The following UBAP2 variants were observed in gnomAD, a reference collection of about 807,000 sequenced individuals.
UBAP2 encodes ubiquitin associated protein 2.
UBAP2 carries 75 observed loss-of-function variants against 139.6 expected under a neutral mutation model. The ratio of observed to expected loss-of-function variants is 0.54; its 90% CI spans 0.45 to 0.65. UBAP2 has a LOEUF of 0.65. Among genes scored for constraint, UBAP2 ranks in the 30% least tolerant of loss-of-function variants. The pLI, the probability that UBAP2 is intolerant of heterozygous loss-of-function variation, is 0.00. For missense variants in UBAP2, 1,368 were observed against 1,369.6 expected, an observed-to-expected ratio of 1.00 and a Z score of 0.02; for synonymous variants, 526 against 526.2, an observed-to-expected ratio of 1.00 and a Z score of 0.01.
intron 18 of UBAP2, 132 bp downstream of exon 18, chr9:33,933,358 G>A (rs1415117376): frequency 9.2e-7 from 1 of 1,092,506 alleles, no homozygotes; most frequent in African/African-American, 1.6e-5. Flanking sequence ...CTAAGCTACA[G>A]TCGTAATGCA....
intron 1 of UBAP2, among the ~76,000 whole-genome samples, chr9:34,024,903 G>C (rs537300128): frequency 1.8e-3 from 276 of 151,902 alleles, no homozygotes; most frequent in African/African-American, 5.4e-3. Flanking sequence ...AGAATCACTT[G>C]AACCCGAGAG....
intron 4 of UBAP2, among the ~76,000 whole-genome samples, chr9:33,993,483 A>T (rs1001171986): frequency 1.4e-4 from 22 of 152,184 alleles, no homozygotes; most frequent in African/African-American, 5.3e-4. Context: ...AGCAACATAG[A>T]AACACAGAGA....
chr9:34,001,112 G>A (rs554382434), intron 2 of UBAP2, among the ~76,000 whole-genome samples: 29 of 152,176 alleles, frequency 1.9e-4, no homozygotes, highest in South Asian at 6.2e-4. Flanking sequence ...AAAAGCAAAG[G>A]GAGAGATGGG....
At chr9:33,980,114 G>A (rs1311384016) in intron 6 of UBAP2, among the ~76,000 whole-genome samples, 1 of 148,394 alleles carries the variant, frequency 6.7e-6, no homozygotes, top group Non-Finnish European at 1.5e-5. Context: ...AAATCTTCAA[G>A]CAAAGCTGGC....
intron 1 of UBAP2, among the ~76,000 whole-genome samples, chr9:34,030,764 A>G (rs1273637586): frequency 2.0e-5 from 3 of 151,832 alleles, no homozygotes; most frequent in Admixed American, 1.3e-4. Context: ...GTCTCTACTA[A>G]AAGTATTTTT....
chr9:33,982,784 T>C (rs1360588247), intron 6 of UBAP2, among the ~76,000 whole-genome samples: 1 of 152,168 alleles, frequency 6.6e-6, no homozygotes, highest in Non-Finnish European at 1.5e-5. Flanking sequence ...GGTAAACATA[T>C]CAACTTTTTC....
At chr9:33,943,954 T>G (rs1469696608) in intron 14 of UBAP2, among the ~76,000 whole-genome samples, 6 of 152,030 alleles carry the variant, frequency 3.9e-5, no homozygotes, top group African/African-American at 1.2e-4. Flanking sequence ...TTGGCATTAA[T>G]ATCACCACCT....
upstream of UBAP2, among the ~76,000 whole-genome samples, chr9:34,049,170 T>G (rs1827896102): frequency 6.6e-6 from 1 of 152,216 alleles, no homozygotes; most frequent in South Asian, 2.1e-4. Context: ...TGCCCACAAC[T>G]GCAGCTCGTC....
At chr9:34,016,627 C>G (rs2131276855) in intron 2 of UBAP2, among the ~76,000 whole-genome samples, 1 of 151,578 alleles carries the variant, frequency 6.6e-6, no homozygotes, top group East Asian at 1.9e-4. Context: ...GTGATCTGGG[C>G]TCACTGCAAC....
intron 2 of UBAP2, among the ~76,000 whole-genome samples, chr9:34,013,507 CTCTT>C (rs1459977612): frequency 4.6e-5 from 7 of 151,626 alleles, no homozygotes; most frequent in Admixed American, 4.6e-4. Context: ...ATAAAAAACT[CTCTT>C]TCATCATGCA....
chr9:34,042,506 G>C (rs1283163015), intron 1 of UBAP2, among the ~76,000 whole-genome samples: 1 of 144,724 alleles, frequency 6.9e-6, no homozygotes, highest in East Asian at 2.0e-4. Flanking sequence ...AGGAACAGTA[G>C]AACCTGCAGA....
At chr9:33,956,592 G>A (rs2130990267) in intron 10 of UBAP2, among the ~76,000 whole-genome samples, 1 of 152,156 alleles carries the variant, frequency 6.6e-6, no homozygotes, top group African/African-American at 2.4e-5. Context: ...ACCTCCCAAA[G>A]TGTTGGGATT....
At chr9:33,967,286 T>G (rs995262968) in intron 8 of UBAP2, among the ~76,000 whole-genome samples, 4 of 152,228 alleles carry the variant, frequency 2.6e-5, no homozygotes, top group Admixed American at 6.5e-5. Flanking sequence ...CAACGGTTTA[T>G]TCTCCCTTTC....
At chr9:33,937,142 A>C (rs1824619489) in intron 16 of UBAP2, among the ~76,000 whole-genome samples, 2 of 152,092 alleles carry the variant, frequency 1.3e-5, no homozygotes, top group African/African-American at 2.4e-5. Flanking sequence ...AAAAAAAAAA[A>C]AAAAGTGAAA....
chr9:34,041,800 G>A (rs189355897), intron 1 of UBAP2, among the ~76,000 whole-genome samples: 5 of 151,130 alleles, frequency 3.3e-5, no homozygotes, highest in African/African-American at 1.2e-4. Context: ...GAAGCAGGCA[G>A]ATCACCTGAG....
intron 9 of UBAP2, 36 bp downstream of exon 9, chr9:33,963,690 C>A (rs747305920): frequency 3.8e-6 from 5 of 1,302,584 alleles, no homozygotes. Flanking sequence ...TTATAAGATT[C>A]TTAATTTTAA....
chr9:33,975,792 A>G (rs72727378), intron 6 of UBAP2, among the ~76,000 whole-genome samples: 11,467 of 142,908 alleles, frequency 0.08, 648 homozygotes, highest in Non-Finnish European at 0.12. Flanking sequence ...ACTGAACAAG[A>G]CTCCGTCTCA....
intron 1 of UBAP2, among the ~76,000 whole-genome samples, chr9:34,033,830 G>A (rs1826094010): frequency 1.3e-5 from 2 of 151,784 alleles, no homozygotes; most frequent in South Asian, 4.2e-4. Context: ...CTGCCTCCCA[G>A]GTTCAAGCAA....
intron 6 of UBAP2, among the ~76,000 whole-genome samples, chr9:33,981,761 A>T (rs1282720938): frequency 1.5e-3 from 210 of 136,680 alleles, no homozygotes; most frequent in Middle Eastern, 7.0e-3. Context: ...GATGGAAGGT[A>T]GGTAGGTAGG....
Sources: allele counts gnomAD v4.1 joint callset (sites outside exome capture counted in the v4.1 genomes callset), GRCh38; gene constraint gnomAD v4.1.1; transcripts MANE v1.5; gene names NCBI Gene and HGNC (gene_info 2026-07-23, HGNC 2026-07-21).